The following ARHGEF16 variants were observed in gnomAD, a reference collection of about 807,000 sequenced individuals.
ARHGEF16 encodes Rho guanine nucleotide exchange factor 16, also known as Rho guanine exchange factor (GEF) 16.
Under a neutral mutation model 74.1 loss-of-function variants are expected in ARHGEF16, and 59 were observed. That is an observed-to-expected ratio of 0.80 (90% CI 0.65 to 0.99). The LOEUF (loss-of-function observed/expected upper bound fraction) is 0.99, where lower values mean the gene tolerates loss of function less well. Ranked by LOEUF, ARHGEF16 falls within the 50% of genes least tolerant of loss-of-function variation. ARHGEF16 has a pLI of 0.00. For missense variants in ARHGEF16, 948 were observed against 986.6 expected (o/e 0.96, Z 0.52); for synonymous variants, 415 against 412.6 (o/e 1.01, Z -0.07).
intron 1 of ARHGEF16, among the ~76,000 whole-genome samples, chr1:3,459,238 C>T (rs1329160123): frequency 6.6e-6 from 1 of 152,190 alleles, no homozygotes; most frequent in Non-Finnish European, 1.5e-5. Flanking sequence ...GCCAGAGCTC[C>T]CAGGCTCCAG....
chr1:3,455,064 C>T (rs1033033487), intron 1 of ARHGEF16, among the ~76,000 whole-genome samples: 20 of 151,430 alleles, frequency 1.3e-4, no homozygotes, highest in Admixed American at 8.5e-4. Flanking sequence ...CACCAGGCAG[C>T]CCCCTGCTTG....
Position 3,480,739 on chromosome 1 carries a change from A to G in ARHGEF16, c.*152A>G. 1 of 1,079,658 alleles carries G rather than the reference A, an allele frequency of 9.3e-7. No homozygotes were observed. Among genetic ancestry groups the G allele is most frequent in the Non-Finnish European group, 1.3e-6 (1 of 772,618 alleles). The allele number at this position is 1,079,658 out of a possible 1,614,324, so 66.9% of individuals were successfully genotyped here. ...CTGTGGCTGTGGTGCCGGGCTCCAG[A>G]CACTTCACGGAAGGAAGATCACATG... is the stretch of plus-strand genomic sequence containing the variant. On this transcript the variant is annotated 3_prime_UTR_variant, in exon 15 of 15. Transcript: ENST00000378378.
chr1:3,473,285 G>A (rs747210467), intron 7 of ARHGEF16, 55 bp downstream of exon 7: 1 of 1,596,352 alleles, frequency 6.3e-7, no homozygotes, highest in Non-Finnish European at 8.5e-7. Flanking sequence ...CTGCACCCTG[G>A]TCTCCCAAAG....
Position 3,480,866 on chromosome 1 carries a change from C to T in ARHGEF16, c.*279C>T, listed in dbSNP as rs1640039619. 2 of 506,406 alleles carry T rather than the reference C, an allele frequency of 3.9e-6. No homozygotes were observed. The highest frequency in any genetic ancestry group is 7.1e-6 in the Non-Finnish European group (2 of 283,618). 31.4% of individuals were successfully genotyped at this position (506,406 alleles called of 1,614,324 possible). ...TGGCTGGGCCCCTCAGCTGCTGGGC[C>T]CCACCTCCCCACTGCACCCAGGGGG... On this transcript the variant is annotated 3_prime_UTR_variant, in exon 15 of 15. Transcript: ENST00000378378.
Position 3,479,605 on chromosome 1 carries a change from G to A in ARHGEF16, c.1888+15G>A. ...CAGCAAAGGAGGTGAGTGCGGGCTGGGGCCTGCAGGGCTGGCCCTCTGCCG... is the reference window on the plus strand; with the variant it reads ...CAGCAAAGGAGGTGAGTGCGGGCTGAGGCCTGCAGGGCTGGCCCTCTGCCG... On this transcript the variant is annotated intron_variant, in intron 13 of 14. Coordinates refer to ENST00000378378, the MANE Select transcript of ARHGEF16 (RefSeq NM_014448.4). The A allele has an allele frequency of 6.2e-7, 1 of 1,608,238 alleles. No individual in the cohort carries two copies. Among genetic ancestry groups the A allele is most frequent in the East Asian group, 2.2e-5 (1 of 44,568 alleles).
At chr1:3,472,126 C>T (rs998516721) in intron 6 of ARHGEF16, among the ~76,000 whole-genome samples, 3 of 152,210 alleles carry the variant, frequency 2.0e-5, no homozygotes, top group Non-Finnish European at 4.4e-5. Context: ...AAGGACAGAG[C>T]TCTTGGGCTG....
Position 3,463,362 on chromosome 1 carries a change from T to G in ARHGEF16, c.278T>G (p.Leu93Arg), listed in dbSNP as rs1639452497. Residue 93 changes from leucine to arginine, a missense_variant, in exon 2 of 15, where the codon CTG becomes CGG. Coordinates refer to ENST00000378378, the MANE Select transcript of ARHGEF16 (RefSeq NM_014448.4). The stretch of plus-strand genomic sequence containing the variant: ...ACCCAACAGCTGATCCCTAAGAGCC[T>G]GGCTGTGGCCAGCAAGGCAAAGACC... Reference protein sequence around the residue: ...LGTQQLIPKSLAVASKAKTPA... With the variant: ...LGTQQLIPKSRAVASKAKTPA... 1.3e-6 allele frequency: 2 copies of G among 1,550,162 alleles called. No individual in the cohort carries two copies. Among genetic ancestry groups the G allele is most frequent in the Non-Finnish European group, 8.7e-7 (1 of 1,146,882 alleles).
intron 8 of ARHGEF16, 187 bp downstream of exon 8, chr1:3,473,709 A>AGT: frequency 1.0e-6 from 1 of 963,794 alleles, no homozygotes; most frequent in Non-Finnish European, 1.5e-6. Context: ...CGCCACCCAC[A>AGT]GAGCTCACTG....
intron 14 of ARHGEF16, 143 bp downstream of exon 14, chr1:3,480,056 C>A: frequency 1.3e-6 from 1 of 765,990 alleles, no homozygotes; most frequent in Non-Finnish European, 2.1e-6. Context: ...TCAAAGGGAG[C>A]ACTCCCACAT....
intron 10 of ARHGEF16, among the ~76,000 whole-genome samples, 184 bp from the exon 11 acceptor site, chr1:3,477,691 C>T (rs534876721): frequency 6.6e-6 from 1 of 152,104 alleles, no homozygotes; most frequent in African/African-American, 2.4e-5. Flanking sequence ...GAGGCCCGGA[C>T]ACATTGTGCC....
At chr1:3,478,238 G>T (rs1398144959) in intron 11 of ARHGEF16, 186 bp from the exon 12 acceptor site, 1 of 908,528 alleles carries the variant, frequency 1.1e-6, no homozygotes, top group Non-Finnish European at 1.7e-6. Flanking sequence ...TGGGTCTGCC[G>T]GTGATAGCCA....
In ARHGEF16 at chr1:3,474,746, C is replaced by G; in HGVS notation, c.1344C>G (p.Tyr448Ter). ...CLKTQGHSER[Y>*]KAASRALKAI... ...AGACCCAGGGCCACTCCGAAAGGTA[C>G]AAGGCTGCCAGCCGTGCACTGAAGG... is the stretch of plus-strand genomic sequence containing the variant. The change falls in exon 9 of 15, where the codon TAC becomes TAG. Residue 448 changes from tyrosine (Y) to a stop codon, truncating the protein, a stop_gained. Transcript: ENST00000378378. LOFTEE classifies it high-confidence loss of function. 1 of 1,612,912 alleles carries G rather than the reference C, an allele frequency of 6.2e-7. No individual in the cohort carries two copies. Among genetic ancestry groups the G allele is most frequent in the Non-Finnish European group, 8.5e-7 (1 of 1,179,978 alleles).
chr1:3,467,063 A>G, intron 3 of ARHGEF16, 105 bp from the exon 4 acceptor site: 1 of 1,241,212 alleles, frequency 8.1e-7, no homozygotes, highest in Non-Finnish European at 1.1e-6. Context: ...TCTCCCACAC[A>G]GCCGTGAGAG....
At chr1:3,468,116 G>C (rs1004424841) in intron 4 of ARHGEF16, among the ~76,000 whole-genome samples, 85 of 152,172 alleles carry the variant, frequency 5.6e-4, no homozygotes, top group Admixed American at 1.0e-3. Flanking sequence ...TTACTCTCCT[G>C]CTGGGAGCTG....
At chr1:3,476,208 G>C (rs1359988467) in intron 10 of ARHGEF16, 146 bp downstream of exon 10, 19 of 817,106 alleles carry the variant, frequency 2.3e-5, no homozygotes, top group Non-Finnish European at 3.4e-5. Flanking sequence ...GCCTCCTAGG[G>C]CTGGTGGCTC....
At chr1:3,471,683 C>T (rs1208428540) in intron 6 of ARHGEF16, 3 of 1,243,748 alleles carry the variant, frequency 2.4e-6, no homozygotes, top group Admixed American at 2.8e-5. Context: ...CTCCTCAGGG[C>T]TTTAGATTGC....
chr1:3,472,930 C>A, intron 6 of ARHGEF16, 148 bp from the exon 7 acceptor site: 1 of 454,284 alleles, frequency 2.2e-6, no homozygotes. Flanking sequence ...GCCCCAAGTG[C>A]TTGCTGTGTG....
At chr1:3,478,060 A>T in intron 11 of ARHGEF16, 34 bp downstream of exon 11, 1 of 1,611,674 alleles carries the variant, frequency 6.2e-7, no homozygotes, top group South Asian at 1.1e-5. Context: ...GGGGAGCCCC[A>T]CTCCATGGAC....
chr1:3,470,724 CAG>C (rs1485999671), intron 6 of ARHGEF16, among the ~76,000 whole-genome samples: 8 of 143,852 alleles, frequency 5.6e-5, no homozygotes, highest in Admixed American at 4.8e-4. Flanking sequence ...TGTGCGTGGT[CAG>C]GGGTGTGTGT....
Sources: gnomAD v4.1 joint callset for allele counts (sites outside exome capture counted in the v4.1 genomes callset) on GRCh38, gnomAD v4.1.1 for gene constraint, MANE v1.5 for transcripts, NCBI Gene and HGNC (gene_info 2026-07-23, HGNC 2026-07-21) for gene names.